The following CRYBG1 variants were observed in gnomAD, a reference collection of about 807,000 sequenced individuals.
The protein encoded by CRYBG1 is beta/gamma crystallin domain-containing protein 1.
A neutral mutation model predicts 189.2 loss-of-function variants in CRYBG1; 139 were observed. That is an observed-to-expected ratio of 0.73 (90% CI 0.64 to 0.85). CRYBG1 has a LOEUF of 0.85. CRYBG1 is among the 40% of genes least tolerant of loss of function. CRYBG1 has a pLI of 0.00. For missense variants in CRYBG1, 2,611 were observed against 2,675.8 expected (o/e 0.98, Z 0.53); for synonymous variants, 1,023 against 1,017.1 (o/e 1.01, Z -0.11).
At chr6:106,564,860 G>A (rs1454238157) in intron 21 of CRYBG1, among the ~76,000 whole-genome samples, 2 of 144,496 alleles carry the variant, frequency 1.4e-5, no homozygotes, top group African/African-American at 5.5e-5. Flanking sequence ...CAGCACAATT[G>A]TGTTTTGTAG....
At chr6:106,433,643 C>G (rs577053985) in intron 1 of CRYBG1, among the ~76,000 whole-genome samples, 1 of 149,550 alleles carries the variant, frequency 6.7e-6, no homozygotes, top group East Asian at 2.0e-4. Flanking sequence ...TGGGCTAGAT[C>G]TAATTTACAG....
At chr6:106,391,117 G>A (rs1770491853) in intron 1 of CRYBG1, among the ~76,000 whole-genome samples, 1 of 152,140 alleles carries the variant, frequency 6.6e-6, no homozygotes, top group African/African-American at 2.4e-5. Context: ...ACCCAGGCTG[G>A]AGTGCACTGG....
intron 3 of CRYBG1, among the ~76,000 whole-genome samples, chr6:106,517,164 T>C (rs951218270): frequency 1.3e-5 from 2 of 150,886 alleles, no homozygotes; most frequent in Non-Finnish European, 3.0e-5. Context: ...ACGCACCACT[T>C]CACCTGGCTA....
chr6:106,561,880 G>C (rs942282041), intron 20 of CRYBG1, among the ~76,000 whole-genome samples: 1 of 152,198 alleles, frequency 6.6e-6, no homozygotes, highest in Admixed American at 6.5e-5. Context: ...CACAGAACGG[G>C]ATGAAGGGTA....
intron 1 of CRYBG1, among the ~76,000 whole-genome samples, chr6:106,436,022 T>C (rs9400002): frequency 0.38 from 57,528 of 152,124 alleles, 11,717 homozygotes; most frequent in East Asian, 0.68. Flanking sequence ...TTTTATTAAA[T>C]TATGTAAAAA....
chr6:106,462,076 A>G (rs1371713382), intron 2 of CRYBG1, among the ~76,000 whole-genome samples: 2 of 152,224 alleles, frequency 1.3e-5, no homozygotes, highest in Non-Finnish European at 2.9e-5. Context: ...AGTCTCATAT[A>G]TTTGAAAATA....
chr6:106,432,578 G>A (rs1156258071), intron 1 of CRYBG1, among the ~76,000 whole-genome samples: 1 of 152,182 alleles, frequency 6.6e-6, no homozygotes, highest in African/African-American at 2.4e-5. Context: ...ACAATTGAGA[G>A]TTAAGGGTGC....
chr6:106,442,209 C>G (rs875262), intron 1 of CRYBG1, among the ~76,000 whole-genome samples: 79,676 of 152,014 alleles, frequency 0.52, 21,137 homozygotes, highest in East Asian at 0.62. Flanking sequence ...TCTCTTGAAA[C>G]TTTATTGCTT....
intron 2 of CRYBG1, among the ~76,000 whole-genome samples, chr6:106,487,343 G>C (rs1346900630): frequency 6.6e-6 from 1 of 152,122 alleles, no homozygotes; most frequent in Non-Finnish European, 1.5e-5. Flanking sequence ...GGTATTCTGA[G>C]CATGGTTATG....
intron 13 of CRYBG1, among the ~76,000 whole-genome samples, chr6:106,549,988 C>G (rs549295599): frequency 6.6e-6 from 1 of 152,196 alleles, no homozygotes. Context: ...GCAAGGAGAG[C>G]CTGGTGGGCC....
intron 1 of CRYBG1, among the ~76,000 whole-genome samples, chr6:106,364,677 G>A (rs895727790): frequency 2.0e-5 from 3 of 152,174 alleles, no homozygotes; most frequent in Non-Finnish European, 2.9e-5. Flanking sequence ...CTGTGGCCAG[G>A]CCACTTAGCA....
At chr6:106,467,788 T>G (rs1323513431) in intron 2 of CRYBG1, among the ~76,000 whole-genome samples, 1 of 152,376 alleles carries the variant, frequency 6.6e-6, no homozygotes, top group African/African-American at 2.4e-5. Context: ...GGTAATTTAT[T>G]GCCTTTAATT....
rs1165582746 is a variant in CRYBG1 at position 106,521,317 on chromosome 6, C to G, written c.4109C>G (p.Ala1370Gly). ...SKLKNDDMEK[A>G]NHIESVIKSN... ...CTGAAGAATGATGATATGGAAAAGG[C>G]TAATCATATTGAAAGTGTTATTAAA... Residue 1370 changes from alanine (A) to glycine (G), a missense_variant, in exon 4 of 22, where the codon GCT becomes GGT. Ala to Gly is a moderately conservative substitution (Grantham distance 60). Around this residue, in one of 3 missense-constraint regions of CRYBG1, gnomAD observed 1,622 missense variants for 1,735.0 expected, o/e 0.93. Transcript: ENST00000633556. 1 of 1,614,142 alleles carries G rather than the reference C, an allele frequency of 6.2e-7. No individual in the cohort carries two copies. Among genetic ancestry groups the G allele is most frequent in the South Asian group, 1.1e-5 (1 of 91,066 alleles).
chr6:106,401,504 C>A lies in CRYBG1; in HGVS notation c.173+40423C>A, dbSNP rs1770719708. Among the ~76,000 whole-genome samples, 8 of 131,408 alleles carry A rather than the reference C, an allele frequency of 6.1e-5. No homozygotes were observed. In the Admixed American group the frequency reaches 6.2e-4, roughly 10 times the overall value. The allele number at this position is 131,408 out of a possible 152,430, so 86.2% of individuals were successfully genotyped here. On this transcript the variant is annotated intron_variant, in intron 1 of 21. Transcript: ENST00000633556. Reference sequence around the variant, plus strand: ...ATGTGCCATGCTGGTGCGCTGCACCCACTAACGTGTCATCTAGCATTAGGT... The same window carrying A: ...ATGTGCCATGCTGGTGCGCTGCACCAACTAACGTGTCATCTAGCATTAGGT...
intron 3 of CRYBG1, among the ~76,000 whole-genome samples, chr6:106,517,461 T>G (rs1401068456): frequency 9.4e-6 from 1 of 105,862 alleles, no homozygotes. Flanking sequence ...CACATATATA[T>G]ATACACACAC....
rs5878888 is a variant in CRYBG1 at position 106,432,840 on chromosome 6, CTTTT to C, written c.174-18840_174-18837del. 1.6e-3 allele frequency among the ~76,000 whole-genome samples: 201 copies of C among 128,846 alleles called. 1 individual carries two copies. Among genetic ancestry groups the C allele is most frequent in the African/African-American group, 5.6e-3 (193 of 34,316 alleles). 84.5% of individuals were successfully genotyped at this position (128,846 alleles called of 152,430 possible). On this transcript the variant is annotated intron_variant, in intron 1 of 21. Coordinates refer to ENST00000633556, the MANE Select transcript of CRYBG1 (RefSeq NM_001371242.2). The stretch of plus-strand genomic sequence containing the variant: ...ATACTATTTTCTTTTTCTTTTCTTT[CTTTT>C]TTTTTTTTTTTTTGAGACAGAGTCT...
At chr6:106,463,183 T>C (rs1055318375) in intron 2 of CRYBG1, among the ~76,000 whole-genome samples, 1 of 151,640 alleles carries the variant, frequency 6.6e-6, no homozygotes, top group Non-Finnish European at 1.5e-5. Flanking sequence ...GTGTGCTGTT[T>C]TAGTATTAAA....
chr6:106,411,718 G>A (rs576908153), intron 1 of CRYBG1, among the ~76,000 whole-genome samples: 72 of 152,188 alleles, frequency 4.7e-4, no homozygotes, highest in Middle Eastern at 6.8e-3. Context: ...TAGTGGCTCC[G>A]TCCAATCTGA....
At chr6:106,369,278 C>T (rs1370766507) in intron 1 of CRYBG1, among the ~76,000 whole-genome samples, 1 of 152,120 alleles carries the variant, frequency 6.6e-6, no homozygotes, top group East Asian at 1.9e-4. Flanking sequence ...TAACAAGTAC[C>T]TTTTGTTTGT....
Sources: allele counts gnomAD v4.1 joint callset (sites outside exome capture counted in the v4.1 genomes callset), GRCh38; gene constraint gnomAD v4.1.1; regional missense constraint gnomAD v4.1.1; transcripts MANE v1.5; gene names NCBI Gene and HGNC (gene_info 2026-07-23, HGNC 2026-07-21).